The following CHD8 variants were observed in gnomAD, a reference collection of about 807,000 sequenced individuals.
The protein encoded by CHD8 is chromodomain helicase DNA binding protein 8, also known as ATP-dependent chromatin remodeler CHD8.
A neutral mutation model predicts 279.2 loss-of-function variants in CHD8; 31 were observed. The ratio of observed to expected loss-of-function variants is 0.11; its 90% CI spans 0.08 to 0.15. The LOEUF (loss-of-function observed/expected upper bound fraction) is 0.15, where lower values mean the gene tolerates loss of function less well. Among genes scored for constraint, CHD8 ranks in the 10% least tolerant of loss-of-function variants. The probability of loss-of-function intolerance (pLI) is 1.00; values close to 1 mark genes in which losing one functional copy is unlikely to be tolerated. For missense variants in CHD8, 2,146 were observed against 3,230.5 expected, an observed-to-expected ratio of 0.66 and a Z score of 8.14; for synonymous variants, 1,081 against 1,139.6, an observed-to-expected ratio of 0.95 and a Z score of 1.04.
Position 21,408,236 on chromosome 14 carries a change from A to G in CHD8, c.2730+76T>C. 1 of 1,518,984 alleles carries G rather than the reference A, an allele frequency of 6.6e-7. No individual in the cohort carries two copies. Among genetic ancestry groups the G allele is most frequent in the East Asian group, 2.3e-5 (1 of 44,114 alleles). The allele number at this position is 1,518,984 out of a possible 1,614,324, so 94.1% of individuals were successfully genotyped here. ...GACTTTCAATAAAAGTCTTCTATTCATATATAGCCCTTAAAATACCAGGTA... is the reference window on the plus strand; with the variant it reads ...GACTTTCAATAAAAGTCTTCTATTCGTATATAGCCCTTAAAATACCAGGTA... On this transcript the variant is annotated intron_variant, in intron 13 of 37. Coordinates refer to ENST00000646647, the MANE Select transcript of CHD8 (RefSeq NM_001170629.2). This position sits in a 1 kb window ranked among gnomAD's most constrained non-coding sequence, Gnocchi z 4.3.
chr14:21,439,566 T>G (rs1889904152), intron 1 of CHD8, among the ~76,000 whole-genome samples: 1 of 152,230 alleles, frequency 6.6e-6, no homozygotes, highest in Non-Finnish European at 1.5e-5. Flanking sequence ...ATCTGACTCC[T>G]ATTTCTGCTG....
intron 25 of CHD8, 85 bp from the exon 26 acceptor site, chr14:21,399,790 C>A: frequency 9.6e-7 from 1 of 1,044,100 alleles, no homozygotes; most frequent in Non-Finnish European, 1.5e-6. Flanking sequence ...AGGTATCTTC[C>A]TGTATCCATT....
chr14:21,390,713 G>A (rs1467687043), intron 37 of CHD8, among the ~76,000 whole-genome samples: 1 of 151,562 alleles, frequency 6.6e-6, no homozygotes. Context: ...GGCGGGCGGA[G>A]GTTGCAGTAG....
Position 21,408,214 on chromosome 14 carries a change from T to C in CHD8, c.2730+98A>G. 1.4e-6 allele frequency: 2 copies of C among 1,428,122 alleles called. No homozygotes were observed. Among genetic ancestry groups the C allele is most frequent in the East Asian group, 2.3e-5 (1 of 43,562 alleles). The allele number at this position is 1,428,122 out of a possible 1,614,324, so 88.5% of individuals were successfully genotyped here. A position where few individuals can be genotyped will look rare whatever the true frequency, so the allele number is the denominator to read the frequency against. On this transcript the variant is annotated intron_variant, in intron 13 of 37. Transcript: ENST00000646647. This position sits in a 1 kb window ranked among gnomAD's most constrained non-coding sequence, Gnocchi z 4.3. ...ATTTTTGCATAGGCATATTGAAGAC[T>C]TTCAATAAAAGTCTTCTATTCATAT...
At position 21,430,849 on chromosome 14, in the gene CHD8, T is replaced by C. The variant is rs1227853031; in HGVS notation, c.795A>G (p.Thr265=). Residue 265 remains threonine (T), a synonymous_variant, in exon 2 of 38, where the codon ACA becomes ACG. Transcript: ENST00000646647. The stretch of plus-strand genomic sequence containing the variant: ...TAACTGCAGGCTTCAGTGGGGGCCC[T>C]GTGGCCCCAGGGTTTCCAGCAGGAG... ...GSAPAGNPGA[T]GPPLKPAVTL... 6.3e-7 allele frequency: 1 copy of C among 1,599,262 alleles called. No individual in the cohort carries two copies. The highest frequency in any genetic ancestry group is 1.3e-5 in the African/African-American group (1 of 75,062).
In CHD8 at chr14:21,391,013, A is replaced by T; in HGVS notation, c.7116T>A (p.Asn2372Lys). Residue 2372 changes from asparagine (N) to lysine (K), a missense_variant, in exon 37 of 38, where the codon AAT becomes AAA. Transcript: ENST00000646647. The part of the protein sequence containing the change: ...KQKWQRCKKN[N>K]KAELNCLGME... ...TTCCCAAACAGTTCAATTCTGCCTT[A>T]TTATTTTTTTTACATCTTTGCCACT... The T allele has an allele frequency of 6.2e-7, 1 of 1,604,384 alleles. No homozygotes were observed. The highest frequency in any genetic ancestry group is 8.5e-7 in the Non-Finnish European group (1 of 1,175,118).
Position 21,403,075 on chromosome 14 carries a change from G to A in CHD8, c.3656C>T (p.Thr1219Ile), listed in dbSNP as rs1354643506. 2 of 1,614,062 alleles carry A rather than the reference G, an allele frequency of 1.2e-6. No individual in the cohort carries two copies. The highest frequency in any genetic ancestry group is 1.3e-5 in the African/African-American group (1 of 75,042). ...TRAGGLGINLTAADTCIIFDS... is the reference protein window; with the variant it reads ...TRAGGLGINLIAADTCIIFDS... ...AAAGATGATGCAGGTATCAGCAGCT[G>A]TAAGATTAATACCAAGTCCACCAGC... Residue 1219 changes from threonine to isoleucine, a missense_variant, in exon 18 of 38, where the codon ACA (threonine) becomes ATA (isoleucine). Physicochemically the swap from Thr to Ile is moderately conservative, Grantham distance 89. Coordinates refer to ENST00000646647, the MANE Select transcript of CHD8 (RefSeq NM_001170629.2). This position sits in a 1 kb window ranked among gnomAD's most constrained non-coding sequence, Gnocchi z 4.3.
chr14:21,450,291 C>T (rs1454107272), intron 1 of CHD8, among the ~76,000 whole-genome samples: 1 of 152,190 alleles, frequency 6.6e-6, no homozygotes, highest in Non-Finnish European at 1.5e-5. Flanking sequence ...ATAGAAATCA[C>T]TGGTTTCTTC....
At chr14:21,418,841 A>C (rs996101367) in intron 5 of CHD8, among the ~76,000 whole-genome samples, 1 of 152,108 alleles carries the variant, frequency 6.6e-6, no homozygotes, top group Non-Finnish European at 1.5e-5. Flanking sequence ...TAAATAAATA[A>C]AGTTCAAAAA....
chr14:21,429,790 A>C (rs1046373657), intron 2 of CHD8: 9 of 240,414 alleles, frequency 3.7e-5, no homozygotes, highest in African/African-American at 6.7e-5. Context: ...CTATAGGTGC[A>C]TGCCACCATG....
At chr14:21,437,652 C>T (rs1889844467) in intron 1 of CHD8, among the ~76,000 whole-genome samples, 13 of 152,196 alleles carry the variant, frequency 8.5e-5, no homozygotes. Context: ...GTCAACCCCT[C>T]TCCTGTAGTG....
chr14:21,442,481 A>G (rs543241339), intron 1 of CHD8, among the ~76,000 whole-genome samples: 2 of 151,544 alleles, frequency 1.3e-5, no homozygotes, highest in South Asian at 4.2e-4. Flanking sequence ...AAATAAAATA[A>G]AATAAAAAAT....
chr14:21,441,462 T>C (rs1256088712), intron 1 of CHD8, among the ~76,000 whole-genome samples: 2 of 152,234 alleles, frequency 1.3e-5, no homozygotes, highest in Non-Finnish European at 2.9e-5. Context: ...AATTGTTTAT[T>C]GGCCTTTTGC....
At chr14:21,386,665 G>A (rs994852404) in intron 37 of CHD8, among the ~76,000 whole-genome samples, 2 of 152,030 alleles carry the variant, frequency 1.3e-5, no homozygotes, top group Admixed American at 6.6e-5. Flanking sequence ...GTGAAACCCG[G>A]TCTCTACTAA....
Position 21,403,529 on chromosome 14 carries a change from C to A in CHD8, c.3442G>T (p.Gly1148Cys). Residue 1148 changes from glycine (G) to cysteine (C), a missense_variant, in exon 17 of 38, where the codon GGT becomes TGT. This residue lies in a region of CHD8 where 48 missense variants were observed against 135.7 expected (regional missense o/e 0.35). Transcript: ENST00000646647. This position sits in a 1 kb window ranked among gnomAD's most constrained non-coding sequence, Gnocchi z 4.3. ...GAGAAGATCAGAACTTTATGGCCACCAGCTTTAAGCTTTGGAAGCAACTTG... is the reference window on the plus strand; with the variant it reads ...GAGAAGATCAGAACTTTATGGCCACAAGCTTTAAGCTTTGGAAGCAACTTG... ...IDKLLPKLKAGGHKVLIFSQM... is the reference protein window; with the variant it reads ...IDKLLPKLKACGHKVLIFSQM... 6.2e-7 allele frequency: 1 copy of A among 1,613,818 alleles called. No individual in the cohort carries two copies. Among genetic ancestry groups the A allele is most frequent in the Non-Finnish European group, 8.5e-7 (1 of 1,179,834 alleles).
intron 1 of CHD8, among the ~76,000 whole-genome samples, chr14:21,438,512 TAAAAAAAAAA>T (rs559681631): frequency 1.8e-5 from 2 of 112,508 alleles, no homozygotes; most frequent in Non-Finnish European, 3.5e-5. Context: ...CCTAGTCTCT[TAAAAAAAAAA>T]AAAAAAAAAG....
intron 1 of CHD8, 137 bp from the exon 2 acceptor site, chr14:21,431,995 A>G (rs1361633390): frequency 1.6e-6 from 1 of 630,110 alleles, no homozygotes; most frequent in Non-Finnish European, 2.8e-6. Flanking sequence ...CTGAGGACGG[A>G]CATACAGCAG....
At position 21,428,213 on chromosome 14, in the gene CHD8, A is replaced by C. The variant is rs773426378; in HGVS notation, c.1257T>G (p.Val419=). ...CCACTTCACTGGCACTCAGAACTTT[A>C]ACTACAGAGAGCCCAGAAGAGGCCC... ...SQGASSGLSV[V]KVLSASEVAA... Residue 419 remains valine (V), a synonymous_variant, in exon 4 of 38, where the codon GTT becomes GTG. Coordinates refer to ENST00000646647, the MANE Select transcript of CHD8 (RefSeq NM_001170629.2). The C allele has an allele frequency of 5.0e-6, 8 of 1,614,022 alleles. No individual in the cohort carries two copies. In the Admixed American group the frequency reaches 1.0e-4, roughly 20 times the overall value.
intron 21 of CHD8, 76 bp downstream of exon 21, chr14:21,401,326 TA>T: frequency 1.1e-6 from 1 of 874,144 alleles, no homozygotes; most frequent in Non-Finnish European, 1.7e-6. Context: ...TAGCATCAAA[TA>T]ATCAGAGTAG....
Sources: gnomAD v4.1 joint callset for allele counts (sites outside exome capture counted in the v4.1 genomes callset) on GRCh38, gnomAD v4.1.1 for gene constraint, gnomAD v4.1.1 regional missense constraint, Gnocchi (gnomAD v3.1) non-coding constraint, MANE v1.5 for transcripts, NCBI Gene and HGNC (gene_info 2026-07-23, HGNC 2026-07-21) for gene names.